Variants in COP1 observed in about 807,000 individuals in gnomAD.
COP1 encodes the protein COP1 E3 ubiquitin ligase, also known as E3 ubiquitin-protein ligase COP1.
In COP1, 24 loss-of-function variants were observed where a neutral mutation model predicts 101.3. The ratio of observed to expected loss-of-function variants is 0.24; its 90% confidence interval spans 0.17 to 0.33. The LOEUF is 0.33. Ranked by LOEUF, COP1 falls within the 10% of genes least tolerant of loss-of-function variation. The pLI is 1.00. For missense variants in COP1, 663 were observed against 906.2 expected (o/e 0.73, Z 3.45); for synonymous variants, 347 against 341.9 (o/e 1.01, Z -0.17).
chr1:176,064,067 T>C (rs983259163), intron 11 of COP1, among the ~76,000 whole-genome samples: 2 of 152,148 alleles, frequency 1.3e-5, no homozygotes, highest in African/African-American at 4.8e-5. Context: ...TTTTAACCAA[T>C]TAAAAGTATA....
At chr1:176,113,104 T>C (rs1171770729) in intron 9 of COP1, among the ~76,000 whole-genome samples, 2 of 152,188 alleles carry the variant, frequency 1.3e-5, no homozygotes, top group Non-Finnish European at 2.9e-5. Context: ...AGTTCTATTT[T>C]TAGTTTTCTG....
chr1:176,076,455 T>G (rs1489108662), intron 11 of COP1, among the ~76,000 whole-genome samples: 2 of 152,150 alleles, frequency 1.3e-5, no homozygotes, highest in East Asian at 3.8e-4. Flanking sequence ...ACCAAAATCT[T>G]TGGATGCAGC....
At chr1:176,003,618 C>T (rs1409030730) in intron 15 of COP1, among the ~76,000 whole-genome samples, 2 of 151,992 alleles carry the variant, frequency 1.3e-5, no homozygotes, top group Non-Finnish European at 2.9e-5. Context: ...ATCCTTTCCC[C>T]ATTGCTTGTT....
intron 8 of COP1, among the ~76,000 whole-genome samples, chr1:176,124,180 G>C (rs1341251132): frequency 6.6e-6 from 1 of 151,896 alleles, no homozygotes; most frequent in Non-Finnish European, 1.5e-5. Context: ...GAGATATTTT[G>C]GTACAGGCAT....
chr1:176,003,920 G>A (rs139866662), intron 15 of COP1, among the ~76,000 whole-genome samples: 10,284 of 152,058 alleles, frequency 0.068, 454 homozygotes, highest in Non-Finnish European at 0.087. Context: ...GGATGGCATT[G>A]AATCTGTAAA....
At chr1:176,073,210 A>T (rs1348023477) in intron 11 of COP1, among the ~76,000 whole-genome samples, 1 of 152,160 alleles carries the variant, frequency 6.6e-6, no homozygotes, top group Non-Finnish European at 1.5e-5. Context: ...AATATTTATG[A>T]TGTTGTCTAA....
At chr1:176,150,237 G>A (rs1326557381) in intron 5 of COP1, among the ~76,000 whole-genome samples, 1 of 152,088 alleles carries the variant, frequency 6.6e-6, no homozygotes, top group Non-Finnish European at 1.5e-5. Context: ...TAAAAAATAA[G>A]AGGCAAAACA....
At position 176,207,005 on chromosome 1, in the gene COP1, GCTCGGAGGAGAGGGACCGCGAC is replaced by G; in HGVS notation, c.-49_-28del. The G allele has an allele frequency of 2.9e-6, 4 of 1,367,160 alleles. No homozygotes were observed. Among genetic ancestry groups the G allele is most frequent in the Non-Finnish European group, 3.8e-6 (4 of 1,062,920 alleles). 84.7% of individuals were successfully genotyped at this position (1,367,160 alleles called of 1,614,324 possible). On this transcript the variant is annotated 5_prime_UTR_variant, in exon 1 of 20. Coordinates refer to ENST00000367669, the MANE Select transcript of COP1 (RefSeq NM_022457.7). ...GTGACTCCCTCCCCTCCAGCCGGGCGCTCGGAGGAGAGGGACCGCGACCTCGACCCTCCGCCGCCTCCCCTCC... is the reference window on the plus strand; with the variant it reads ...GTGACTCCCTCCCCTCCAGCCGGGCGCTCGACCCTCCGCCGCCTCCCCTCC...
intron 11 of COP1, among the ~76,000 whole-genome samples, chr1:176,080,914 T>C (rs1024083753): frequency 6.6e-6 from 1 of 152,082 alleles, no homozygotes; most frequent in African/African-American, 2.4e-5. Flanking sequence ...AACTAGACAA[T>C]GATAGTACAA....
At chr1:175,986,463 T>C (rs1391516354) in intron 18 of COP1, among the ~76,000 whole-genome samples, 1 of 152,206 alleles carries the variant, frequency 6.6e-6, no homozygotes, top group East Asian at 1.9e-4. Context: ...CATATATAAA[T>C]GTATTTTGTA....
chr1:176,001,383 A>G (rs1661560067), intron 15 of COP1, among the ~76,000 whole-genome samples: 1 of 152,130 alleles, frequency 6.6e-6, no homozygotes, highest in South Asian at 2.1e-4. Context: ...GATTGAGTAT[A>G]GTAATTCTCT....
At chr1:175,983,987 G>C (rs1410261096) in intron 18 of COP1, among the ~76,000 whole-genome samples, 1 of 152,176 alleles carries the variant, frequency 6.6e-6, no homozygotes, top group Non-Finnish European at 1.5e-5. Context: ...AAGGGAAACA[G>C]AGCATCAAAG....
At chr1:175,959,747 G>C (rs1651103903) in intron 18 of COP1, among the ~76,000 whole-genome samples, 1 of 152,194 alleles carries the variant, frequency 6.6e-6, no homozygotes, top group South Asian at 2.1e-4. Context: ...CAGTACAAAA[G>C]AGTAGGGGAA....
At chr1:176,174,335 T>G (rs770737975) in intron 3 of COP1, among the ~76,000 whole-genome samples, 4 of 152,190 alleles carry the variant, frequency 2.6e-5, no homozygotes, top group Admixed American at 6.5e-5. Context: ...ACAAAGGATT[T>G]TGCCCTACAG....
intron 8 of COP1, among the ~76,000 whole-genome samples, chr1:176,129,356 T>C: frequency 6.6e-6 from 1 of 151,992 alleles, no homozygotes. Context: ...CTTACCTATA[T>C]ATTTTATTCA....
Position 176,081,293 on chromosome 1 carries a change from T to C in COP1, c.1142-6A>G, listed in dbSNP as rs191595226. Reference sequence around the variant, plus strand: ...GCTTGCAGTTCGACTGTCATCTATATGAAAAAAAAAAAAAAAAGACAAAAC... The same window carrying C: ...GCTTGCAGTTCGACTGTCATCTATACGAAAAAAAAAAAAAAAAGACAAAAC... On this transcript the variant is annotated splice_region_variant and splice_polypyrimidine_tract_variant and intron_variant, in intron 10 of 19. Transcript: ENST00000367669. The C allele has an allele frequency of 2.0e-6, 3 of 1,487,288 alleles. No homozygotes were observed. Among genetic ancestry groups the C allele is most frequent in the Non-Finnish European group, 1.8e-6 (2 of 1,122,512 alleles). 92.1% of individuals were successfully genotyped at this position (1,487,288 alleles called of 1,614,324 possible).
chr1:175,948,285 G>C (rs1649434908), intron 18 of COP1, among the ~76,000 whole-genome samples: 1 of 152,216 alleles, frequency 6.6e-6, no homozygotes, highest in African/African-American at 2.4e-5. Context: ...GGCATCTAAA[G>C]GGCTCTGGAA....
chr1:176,038,750 G>A (rs568597199), intron 14 of COP1, among the ~76,000 whole-genome samples: 31 of 151,864 alleles, frequency 2.0e-4, no homozygotes, highest in Non-Finnish European at 3.4e-4. Flanking sequence ...CCCGGGAGGC[G>A]GAGGTTGTGG....
intron 9 of COP1, among the ~76,000 whole-genome samples, chr1:176,103,478 G>A (rs539430536): frequency 6.6e-6 from 1 of 152,178 alleles, no homozygotes; most frequent in East Asian, 1.9e-4. Flanking sequence ...CCCAGAGAGG[G>A]CATGGAAGCT....
Sources: allele counts gnomAD v4.1 joint callset (sites outside exome capture counted in the v4.1 genomes callset), GRCh38; gene constraint gnomAD v4.1.1; transcripts MANE v1.5; gene names NCBI Gene and HGNC (gene_info 2026-07-23, HGNC 2026-07-21).